The following PRICKLE1 variants were observed in gnomAD, a reference collection of about 807,000 sequenced individuals.
PRICKLE1 encodes prickle planar cell polarity protein 1.
A neutral mutation model predicts 70.2 loss-of-function variants in PRICKLE1; 14 were observed. The ratio of observed to expected loss-of-function variants is 0.20; its 90% CI spans 0.13 to 0.31. The LOEUF (loss-of-function observed/expected upper bound fraction) is 0.31, where lower values mean the gene tolerates loss of function less well. Ranked by LOEUF, PRICKLE1 falls within the 10% of genes least tolerant of loss-of-function variation. The pLI is 1.00. For synonymous variants in PRICKLE1, 357 were observed against 379.9 expected (o/e 0.94, Z 0.70); for missense variants, 821 against 1,026.2 (o/e 0.80, Z 2.73).
chr12:42,571,392 A>G (rs898465001), intron 1 of PRICKLE1, among the ~76,000 whole-genome samples: 4 of 152,260 alleles, frequency 2.6e-5, no homozygotes, highest in African/African-American at 9.6e-5. Flanking sequence ...TACAAAAAGA[A>G]GCTAAAAACC....
intron 1 of PRICKLE1, among the ~76,000 whole-genome samples, chr12:42,506,567 C>CTTT (rs139103281): frequency 1.1e-4 from 7 of 64,608 alleles, no homozygotes; most frequent in Non-Finnish European, 1.2e-4. Flanking sequence ...CAATAGTGTT[C>CTTT]TTTTTTTTTT....
At chr12:42,583,182 C>T (rs1940931637) in intron 1 of PRICKLE1, among the ~76,000 whole-genome samples, 1 of 151,246 alleles carries the variant, frequency 6.6e-6, no homozygotes, top group Non-Finnish European at 1.5e-5. Context: ...TGTGTGTACA[C>T]AGAAGGCAGC....
chr12:42,542,115 G>C (rs1940128448), intron 1 of PRICKLE1, among the ~76,000 whole-genome samples: 2 of 152,216 alleles, frequency 1.3e-5, no homozygotes, highest in Non-Finnish European at 2.9e-5. Flanking sequence ...GTAAGGAGCA[G>C]AGCTAGAAGC....
chr12:42,488,426 C>T (rs1053322999), intron 1 of PRICKLE1, among the ~76,000 whole-genome samples: 3 of 152,198 alleles, frequency 2.0e-5, no homozygotes, highest in Non-Finnish European at 2.9e-5. Context: ...AACCCTTACT[C>T]CCAACTATTC....
chr12:42,464,999 C>T lies in PRICKLE1; in HGVS notation c.1035G>A (p.Gln345=). The T allele has an allele frequency of 1.2e-6, 2 of 1,609,520 alleles. 1 individual carries two copies. Among genetic ancestry groups the T allele is most frequent in the South Asian group, 2.2e-5 (2 of 90,266 alleles). Residue 345 remains glutamine, a synonymous_variant, in exon 7 of 8, where the codon CAG becomes CAA. Transcript: ENST00000345127. The surrounding 1 kb of genome is among the most constrained non-coding windows in gnomAD (Gnocchi z 4.2). The part of the protein sequence containing the change: ...RMGKSSRSAD[Q]CRQSLLLSPA... ...GCGATAAGAGGAGAGACTGTCTACACTGATCTGCTGACCGGCTGCTCTTGC... is the reference window on the plus strand; with the variant it reads ...GCGATAAGAGGAGAGACTGTCTACATTGATCTGCTGACCGGCTGCTCTTGC...
intron 1 of PRICKLE1, among the ~76,000 whole-genome samples, chr12:42,480,422 A>G (rs563699662): frequency 2.0e-5 from 3 of 152,122 alleles, no homozygotes; most frequent in Non-Finnish European, 2.9e-5. Context: ...CCCTGTCCCA[A>G]AAAAAAATCT....
intron 1 of PRICKLE1, among the ~76,000 whole-genome samples, chr12:42,550,923 T>C (rs1940303665): frequency 6.6e-6 from 1 of 152,214 alleles, no homozygotes; most frequent in South Asian, 2.1e-4. Flanking sequence ...TCCTCAACTT[T>C]TGAGTGTTTG....
At chr12:42,526,713 A>G (rs984084137) in intron 1 of PRICKLE1, among the ~76,000 whole-genome samples, 2 of 150,642 alleles carry the variant, frequency 1.3e-5, no homozygotes, top group African/African-American at 4.9e-5. Flanking sequence ...TGGAACAGTG[A>G]CCATGGCCAC....
chr12:42,514,639 T>C (rs1169388918), intron 1 of PRICKLE1, among the ~76,000 whole-genome samples: 1 of 152,156 alleles, frequency 6.6e-6, no homozygotes, highest in African/African-American at 2.4e-5. Context: ...CAAACAAAAA[T>C]GAAAAGAAAG....
chr12:42,464,522 A>G lies in PRICKLE1; in HGVS notation c.1512T>C (p.His504=), dbSNP rs769438599. The G allele has an allele frequency of 3.1e-6, 5 of 1,613,948 alleles. No individual in the cohort carries two copies. The East Asian group carries it at 8.9e-5, about 29-fold the overall frequency. ...CATCATGATTATACCCTGAAGCCCCATGGTCCAGTTCCAATTCCTGAAGCC... is the reference window on the plus strand; with the variant it reads ...CATCATGATTATACCCTGAAGCCCCGTGGTCCAGTTCCAATTCCTGAAGCC... The part of the protein sequence containing the change: ...SRRLQELELD[H]GASGYNHDET... Residue 504 remains histidine, a synonymous_variant, in exon 7 of 8, where the codon CAT becomes CAC. Transcript: ENST00000345127. The surrounding 1 kb of genome is among the most constrained non-coding windows in gnomAD (Gnocchi z 4.2).
chr12:42,470,672 G>A (rs560979012), intron 2 of PRICKLE1, among the ~76,000 whole-genome samples: 1 of 152,348 alleles, frequency 6.6e-6, no homozygotes, highest in African/African-American at 2.4e-5. Context: ...CTGGGAGGCT[G>A]AGGCTGGTGG....
At chr12:42,509,191 T>G (rs998351296) in intron 1 of PRICKLE1, among the ~76,000 whole-genome samples, 6 of 152,180 alleles carry the variant, frequency 3.9e-5, no homozygotes, top group African/African-American at 1.4e-4. Context: ...TAGACAGTAT[T>G]AAACTTCAAA....
chr12:42,564,991 T>A (rs947364364), intron 1 of PRICKLE1, among the ~76,000 whole-genome samples: 8 of 152,078 alleles, frequency 5.3e-5, no homozygotes, highest in Admixed American at 2.0e-4. Flanking sequence ...CTAAAAAGAG[T>A]TAACATAGAT....
intron 1 of PRICKLE1, among the ~76,000 whole-genome samples, chr12:42,519,085 T>C (rs1165760311): frequency 6.6e-6 from 1 of 152,090 alleles, no homozygotes; most frequent in African/African-American, 2.4e-5. Context: ...TTACCATCTG[T>C]AATGCTGAAA....
intron 1 of PRICKLE1, among the ~76,000 whole-genome samples, chr12:42,568,926 A>G (rs1298557273): frequency 1.3e-5 from 2 of 152,218 alleles, no homozygotes; most frequent in African/African-American, 4.8e-5. Flanking sequence ...AAAAAAATCC[A>G]TAATCCATAG....
chr12:42,578,616 G>C (rs1262460748), intron 1 of PRICKLE1, among the ~76,000 whole-genome samples: 1 of 143,876 alleles, frequency 7.0e-6, no homozygotes, highest in Non-Finnish European at 1.5e-5. Context: ...AAACAGCTGA[G>C]AAACTCCACT....
intron 1 of PRICKLE1, among the ~76,000 whole-genome samples, chr12:42,498,640 C>T (rs1218368192): frequency 6.6e-6 from 1 of 152,114 alleles, no homozygotes; most frequent in African/African-American, 2.4e-5. Flanking sequence ...AAACAAAATC[C>T]CTTCTTCAGT....
chr12:42,482,515 A>C (rs1273046621), intron 1 of PRICKLE1, among the ~76,000 whole-genome samples: 1 of 152,212 alleles, frequency 6.6e-6, no homozygotes, highest in African/African-American at 2.4e-5. Flanking sequence ...AACGGCAGCC[A>C]GACTTGACTC....
In PRICKLE1 at chr12:42,491,275, G is replaced by A. The variant is rs117662081; in HGVS notation, c.-48-18711C>T. Among the ~76,000 whole-genome samples the A allele has an allele frequency of 1.3e-3, 203 of 151,502 alleles. 2 individuals are homozygous for A. In the East Asian group the frequency reaches 0.035, roughly 26 times the overall value. ...TGTAATGTTAAAAAGCTCAGTGGCC[G>A]GGCGCGGTAGCTCACATCTGTAATC... is the stretch of plus-strand genomic sequence containing the variant. On this transcript the variant is annotated intron_variant, in intron 1 of 7. Coordinates refer to ENST00000345127, the MANE Select transcript of PRICKLE1 (RefSeq NM_153026.3).
Sources: allele counts gnomAD v4.1 joint callset (sites outside exome capture counted in the v4.1 genomes callset), GRCh38; gene constraint gnomAD v4.1.1; non-coding constraint Gnocchi (gnomAD v3.1); transcripts MANE v1.5; gene names NCBI Gene and HGNC (gene_info 2026-07-23, HGNC 2026-07-21).